The following EYS variants were observed in gnomAD, a reference collection of about 807,000 sequenced individuals.
EYS encodes EGF-like photoreceptor maintenance factor.
Under a neutral mutation model 282.1 loss-of-function variants are expected in EYS, and 250 were observed. The ratio of observed to expected loss-of-function variants is 0.89; its 90% CI spans 0.80 to 0.98. The LOEUF (loss-of-function observed/expected upper bound fraction) is 0.98, where lower values mean the gene tolerates loss of function less well. Ranked by LOEUF, EYS falls within the 50% of genes least tolerant of loss-of-function variation. The probability of loss-of-function intolerance (pLI) is 0.00; values close to 1 mark genes in which losing one functional copy is unlikely to be tolerated. For missense variants in EYS, 4,016 were observed against 3,709.0 expected (o/e 1.08, Z -2.15); for synonymous variants, 1,355 against 1,282.9 (o/e 1.06, Z -1.20).
chr6:65,006,970 G>C (rs1435875972), intron 13 of EYS, among the ~76,000 whole-genome samples: 1 of 152,124 alleles, frequency 6.6e-6, no homozygotes. Flanking sequence ...ATCTTGATGG[G>C]GCAGCTGGGT....
chr6:64,393,811 G>C (rs1026814817), intron 28 of EYS, among the ~76,000 whole-genome samples: 1 of 152,006 alleles, frequency 6.6e-6, no homozygotes, highest in Non-Finnish European at 1.5e-5. Flanking sequence ...GAAATAAATG[G>C]TATTCATTTA....
At chr6:64,894,953 A>G (rs905928434) in intron 18 of EYS, among the ~76,000 whole-genome samples, 19 of 152,260 alleles carry the variant, frequency 1.2e-4, no homozygotes, top group Non-Finnish European at 2.1e-4. Context: ...ACATTGGGGT[A>G]AGAGCTATTA....
chr6:63,761,236 ACT>A (rs1769634300), intron 41 of EYS, among the ~76,000 whole-genome samples: 1 of 151,740 alleles, frequency 6.6e-6, no homozygotes, highest in Non-Finnish European at 1.5e-5. Flanking sequence ...CAAAATCTCT[ACT>A]CCAGGAAAGA....
At chr6:65,095,134 G>A (rs576497195) in intron 12 of EYS, among the ~76,000 whole-genome samples, 9 of 151,060 alleles carry the variant, frequency 6.0e-5, no homozygotes, top group African/African-American at 9.7e-5. Flanking sequence ...AAGACTTATC[G>A]TGAAAAAAGA....
At chr6:65,162,165 T>C (rs1335122465) in intron 12 of EYS, among the ~76,000 whole-genome samples, 2 of 151,222 alleles carry the variant, frequency 1.3e-5, no homozygotes, top group Non-Finnish European at 3.0e-5. Context: ...TGTATTTGAC[T>C]ACAACACTTG....
intron 39 of EYS, chr6:63,779,009 T>C (rs1770136988): frequency 6.6e-6 from 1 of 151,910 alleles, no homozygotes; most frequent in Non-Finnish European, 1.5e-5. Flanking sequence ...ATTAGCTATT[T>C]GTAATATACG....
At chr6:64,406,713 T>C (rs1773723896) in intron 28 of EYS, among the ~76,000 whole-genome samples, 1 of 152,188 alleles carries the variant, frequency 6.6e-6, no homozygotes, top group African/African-American at 2.4e-5. Context: ...AAAATGCTCA[T>C]CACTGGTTAT....
chr6:64,528,477 C>T (rs528279281), intron 26 of EYS, among the ~76,000 whole-genome samples: 61 of 151,964 alleles, frequency 4.0e-4, no homozygotes, highest in African/African-American at 1.4e-3. Flanking sequence ...AGATGTTCCA[C>T]GTGGATTCAA....
At chr6:65,128,190 G>GA (rs1437300344) in intron 12 of EYS, among the ~76,000 whole-genome samples, 2 of 151,758 alleles carry the variant, frequency 1.3e-5, no homozygotes, top group East Asian at 3.9e-4. Context: ...GGTAGAAAAA[G>GA]AAAAATATTC....
In EYS at chr6:63,997,154, C is replaced by A. The variant is rs918864034; in HGVS notation, c.6834+1921G>T. On this transcript the variant is annotated intron_variant, in intron 34 of 42. Coordinates refer to ENST00000503581, the MANE Select transcript of EYS (RefSeq NM_001142800.2). The stretch of plus-strand genomic sequence containing the variant: ...GCTTCAGCTCACAAAATTTTCAGTT[C>A]TTATATCTTTATTCCACAAACCTCC... Among the ~76,000 whole-genome samples the A allele has an allele frequency of 2.6e-5, 4 of 152,226 alleles. No homozygotes were observed. The South Asian group carries it at 8.3e-4, about 32-fold the overall frequency.
intron 41 of EYS, among the ~76,000 whole-genome samples, chr6:63,746,586 G>A (rs924658443): frequency 1.3e-5 from 2 of 152,060 alleles, no homozygotes; most frequent in African/African-American, 4.8e-5. Flanking sequence ...TCTATTAATT[G>A]CTGCCTCAAT....
intron 35 of EYS, among the ~76,000 whole-genome samples, chr6:63,921,900 A>G (rs770436770): frequency 1.3e-4 from 20 of 152,226 alleles, no homozygotes; most frequent in Non-Finnish European, 2.4e-4. Flanking sequence ...ATTAACACAC[A>G]TCTTCTATGA....
chr6:65,431,484 A>G (rs1374813027), intron 5 of EYS, among the ~76,000 whole-genome samples: 2 of 152,022 alleles, frequency 1.3e-5, no homozygotes, highest in African/African-American at 2.4e-5. Flanking sequence ...AATATTTATG[A>G]CAATAAAATA....
chr6:63,828,910 AC>A (rs1771547485), intron 36 of EYS, among the ~76,000 whole-genome samples: 2 of 152,242 alleles, frequency 1.3e-5, no homozygotes, highest in East Asian at 3.8e-4. Context: ...AAACTAGAAA[AC>A]TGTGTGGAGA....
intron 7 of EYS, among the ~76,000 whole-genome samples, chr6:65,390,690 C>G (rs1379408746): frequency 6.6e-6 from 1 of 151,798 alleles, no homozygotes; most frequent in Non-Finnish European, 1.5e-5. Context: ...TCCAGACCAG[C>G]CTGGGCAACA....
intron 13 of EYS, 41 bp downstream of exon 13, chr6:65,057,573 T>C (rs1334722645): frequency 4.1e-6 from 5 of 1,212,682 alleles, no homozygotes; most frequent in Non-Finnish European, 6.0e-6. Flanking sequence ...CTTTTTAAAG[T>C]TAATTATGTT....
At chr6:64,482,307 G>A (rs1374711074) in intron 26 of EYS, among the ~76,000 whole-genome samples, 1 of 151,574 alleles carries the variant, frequency 6.6e-6, no homozygotes, top group African/African-American at 2.4e-5. Flanking sequence ...GGATGTTGGG[G>A]ACTCAAATGT....
chr6:65,310,316 C>G (rs1450528797), intron 11 of EYS, among the ~76,000 whole-genome samples: 1 of 152,078 alleles, frequency 6.6e-6, no homozygotes, highest in Non-Finnish European at 1.5e-5. Context: ...TGCACTCCAG[C>G]CTGGGTGATG....
intron 36 of EYS, among the ~76,000 whole-genome samples, chr6:63,818,667 C>T (rs1338499410): frequency 6.6e-6 from 1 of 152,216 alleles, no homozygotes; most frequent in African/African-American, 2.4e-5. Context: ...TGGACTCTCA[C>T]ATTCCAGGCC....
Sources: gnomAD v4.1 joint callset for allele counts (sites outside exome capture counted in the v4.1 genomes callset) on GRCh38, gnomAD v4.1.1 for gene constraint, MANE v1.5 for transcripts, NCBI Gene and HGNC (gene_info 2026-07-23, HGNC 2026-07-21) for gene names.